The following MACROD2 variants were observed in gnomAD, a reference collection of about 807,000 sequenced individuals.
MACROD2 encodes the protein ADP-ribose glycohydrolase MACROD2.
Under a neutral mutation model 70.4 loss-of-function variants are expected in MACROD2, and 36 were observed. That is an observed-to-expected ratio of 0.51 (90% CI 0.39 to 0.68). MACROD2 has a LOEUF of 0.68. Among genes scored for constraint, MACROD2 ranks in the 30% least tolerant of loss-of-function variants. The probability of loss-of-function intolerance (pLI) is 0.00; values close to 1 mark genes in which losing one functional copy is unlikely to be tolerated. For synonymous variants in MACROD2, 172 were observed against 178.8 expected, an observed-to-expected ratio of 0.96 and a Z score of 0.30; for missense variants, 496 against 538.4, an observed-to-expected ratio of 0.92 and a Z score of 0.78.
intron 5 of MACROD2, among the ~76,000 whole-genome samples, chr20:15,130,512 CAG>C (rs1011948238): frequency 3.3e-5 from 5 of 152,020 alleles, no homozygotes; most frequent in African/African-American, 1.2e-4. Flanking sequence ...AGAGAAGAAA[CAG>C]GGACATTTCC....
intron 8 of MACROD2, among the ~76,000 whole-genome samples, chr20:15,634,552 A>C (rs943232382): frequency 1.3e-5 from 2 of 152,126 alleles, no homozygotes; most frequent in African/African-American, 4.8e-5. Flanking sequence ...AATGTCTGTA[A>C]ATTGTTATAG....
chr20:15,504,502 C>G (rs1263892973), intron 8 of MACROD2, among the ~76,000 whole-genome samples: 2 of 152,064 alleles, frequency 1.3e-5, no homozygotes, highest in African/African-American at 4.8e-5. Context: ...CTACTGAGAA[C>G]CGAATTATTG....
At chr20:15,006,452 A>C (rs1164438198) in intron 5 of MACROD2, among the ~76,000 whole-genome samples, 1 of 152,080 alleles carries the variant, frequency 6.6e-6, no homozygotes, top group Non-Finnish European at 1.5e-5. Context: ...TAGTTAATAC[A>C]TTATATACTT....
chr20:14,782,377 A>G (rs2123787660), intron 5 of MACROD2, among the ~76,000 whole-genome samples: 1 of 152,164 alleles, frequency 6.6e-6, no homozygotes, highest in Middle Eastern at 3.4e-3. Context: ...CAAAGATAAA[A>G]CTTTATACGG....
At position 14,326,255 on chromosome 20, in the gene MACROD2, C is replaced by G; in HGVS notation, c.272-167224C>G. The G allele has an allele frequency of 6.2e-7, 1 of 1,613,920 alleles. No individual in the cohort carries two copies. The highest frequency in any genetic ancestry group is 1.1e-5 in the South Asian group (1 of 91,084). ...GAGATATGAATGGTATCAGAGGTGA[C>G]AGACTTCACAGTAATTGTAATTGTT... On this transcript the variant is annotated intron_variant, in intron 3 of 17. Transcript: ENST00000684519. The surrounding 1 kb of genome is among the most constrained non-coding windows in gnomAD (Gnocchi z 5.5).
At chr20:14,172,486 G>A (rs909953395) in intron 3 of MACROD2, among the ~76,000 whole-genome samples, 9 of 151,934 alleles carry the variant, frequency 5.9e-5, no homozygotes, top group African/African-American at 9.7e-5. Flanking sequence ...TGTATTTTTA[G>A]TAGAGACGGG....
chr20:15,108,199 C>T (rs995328808), intron 5 of MACROD2, among the ~76,000 whole-genome samples: 1 of 152,010 alleles, frequency 6.6e-6, no homozygotes, highest in Non-Finnish European at 1.5e-5. Flanking sequence ...GTTATGGTGA[C>T]ATTACTGAGC....
chr20:15,443,719 G>A (rs957490195), intron 7 of MACROD2, among the ~76,000 whole-genome samples: 2 of 152,120 alleles, frequency 1.3e-5, no homozygotes, highest in African/African-American at 4.8e-5. Context: ...AGAGCAGGAT[G>A]CAGAGTAAAT....
At chr20:14,201,925 C>T (rs1458446087) in intron 3 of MACROD2, among the ~76,000 whole-genome samples, 1 of 150,806 alleles carries the variant, frequency 6.6e-6, no homozygotes, top group African/African-American at 2.4e-5. Flanking sequence ...TCACATATAA[C>T]AATATATAAT....
intron 3 of MACROD2, among the ~76,000 whole-genome samples, chr20:14,426,407 T>C (rs1050884125): frequency 2.0e-5 from 3 of 152,058 alleles, no homozygotes; most frequent in Non-Finnish European, 2.9e-5. Context: ...ATATTAATAA[T>C]AGATTTTTTT....
At chr20:14,925,810 T>C (rs1454438927) in intron 5 of MACROD2, among the ~76,000 whole-genome samples, 1 of 152,222 alleles carries the variant, frequency 6.6e-6, no homozygotes, top group African/African-American at 2.4e-5. Flanking sequence ...TTATAATCTC[T>C]AAACAAGATT....
At chr20:14,070,554 T>C (rs1211601637) in intron 2 of MACROD2, among the ~76,000 whole-genome samples, 1 of 152,202 alleles carries the variant, frequency 6.6e-6, no homozygotes, top group South Asian at 2.1e-4. Context: ...TTTCTATAGA[T>C]ATTTGTGGGG....
At chr20:14,564,094 A>G (rs1019144298) in intron 4 of MACROD2, among the ~76,000 whole-genome samples, 1 of 151,950 alleles carries the variant, frequency 6.6e-6, no homozygotes, top group African/African-American at 2.4e-5. Context: ...TACACTGGGG[A>G]ATGAACATCT....
chr20:15,329,141 A>G (rs979528798), intron 6 of MACROD2, among the ~76,000 whole-genome samples: 1 of 152,180 alleles, frequency 6.6e-6, no homozygotes, highest in Non-Finnish European at 1.5e-5. Flanking sequence ...TGTGTAAAAT[A>G]TTCTTCTTTA....
At position 15,914,213 on chromosome 20, in the gene MACROD2, C is replaced by T. The variant is rs539898427; in HGVS notation, c.776-19063C>T. ...TCCTTTTCCTGGACAGAGAATCGGT[C>T]CCAGAATATCAGACCTGTGTTTATT... On this transcript the variant is annotated intron_variant, in intron 10 of 17. Transcript: ENST00000684519. Among the ~76,000 whole-genome samples the T allele has an allele frequency of 2.5e-4, 38 of 152,284 alleles. 1 individual carries two copies. The South Asian group carries it at 7.3e-3, about 29-fold the overall frequency.
rs1158307698 is a variant in MACROD2 at position 14,730,996 on chromosome 20, CACACACACACACAT to C, written c.418+46038_418+46051del. On this transcript the variant is annotated intron_variant, in intron 5 of 17. Transcript: ENST00000684519. ...CAGGTTTAGCACACACACACACACA[CACACACACACACAT>C]GCACACACACACTCACAAACACATA... 4.5e-5 allele frequency among the ~76,000 whole-genome samples: 5 copies of C among 112,356 alleles called. No homozygotes were observed. In the East Asian group the frequency reaches 1.2e-3, roughly 28 times the overall value. The allele number at this position is 112,356 out of a possible 152,430, so 73.7% of individuals were successfully genotyped here.
intron 5 of MACROD2, among the ~76,000 whole-genome samples, chr20:14,970,875 C>T (rs1284934472): frequency 6.6e-6 from 1 of 152,044 alleles, no homozygotes; most frequent in African/African-American, 2.4e-5. Flanking sequence ...CCTCAGCCTC[C>T]CAAAGCACTA....
intron 5 of MACROD2, among the ~76,000 whole-genome samples, chr20:15,172,091 A>G (rs1485212910): frequency 6.6e-6 from 1 of 152,184 alleles, no homozygotes; most frequent in Non-Finnish European, 1.5e-5. Context: ...ATGGTTTCCC[A>G]TTTTGATTTT....
intron 3 of MACROD2, chr20:14,323,592 C>T (rs914912633): frequency 6.6e-6 from 1 of 152,170 alleles, no homozygotes; most frequent in African/African-American, 2.4e-5. Context: ...TTGTAAGTCC[C>T]AACCCTATAA....
Sources: gnomAD v4.1 joint callset for allele counts (sites outside exome capture counted in the v4.1 genomes callset) on GRCh38, gnomAD v4.1.1 for gene constraint, Gnocchi (gnomAD v3.1) non-coding constraint, MANE v1.5 for transcripts, NCBI Gene and HGNC (gene_info 2026-07-23, HGNC 2026-07-21) for gene names.